The following PTK2 variants were observed in gnomAD, a reference collection of about 807,000 sequenced individuals.
PTK2 encodes the protein focal adhesion kinase 1.
A neutral mutation model predicts 150.1 loss-of-function variants in PTK2; 45 were observed. That is an observed-to-expected ratio of 0.30 (90% CI 0.24 to 0.38). PTK2 has a LOEUF of 0.38. PTK2 is among the 10% of genes least tolerant of loss of function. The pLI, the probability that PTK2 is intolerant of heterozygous loss-of-function variation, is 1.00. For synonymous variants in PTK2, 432 were observed against 449.2 expected, an observed-to-expected ratio of 0.96 and a Z score of 0.48; for missense variants, 919 against 1,307.3, an observed-to-expected ratio of 0.70 and a Z score of 4.58.
Position 140,669,340 on chromosome 8 carries a change from T to TATATATATATATAC in PTK2, c.2710-917_2710-916insGTATATATATATAT, listed in dbSNP as rs1377363515. On this transcript the variant is annotated intron_variant, in intron 29 of 31. Transcript: ENST00000522684. ...ATATATATATATATATATATATATA[T>TATATATATATATAC]ACACTTTTTAAAAAAGACCAACTTG... 1.5e-3 allele frequency: 201 copies of TATATATATATATAC among 132,848 alleles called. 7 individuals carry two copies. The highest frequency in any genetic ancestry group is 5.7e-3 in the African/African-American group (190 of 33,310). 8.2% of individuals were successfully genotyped at this position (132,848 alleles called of 1,614,324 possible). A position where few individuals can be genotyped will look rare whatever the true frequency, so the allele number is the denominator to read the frequency against.
chr8:140,984,470 CCAGA>C (rs2100192588), intron 1 of PTK2, among the ~76,000 whole-genome samples: 1 of 152,146 alleles, frequency 6.6e-6, no homozygotes. Flanking sequence ...TGAGCCCTTC[CCAGA>C]CAGACTGAAT....
intron 1 of PTK2, among the ~76,000 whole-genome samples, chr8:140,933,180 CAA>C (rs2100172494): frequency 1.2e-5 from 1 of 82,574 alleles, no homozygotes; most frequent in Non-Finnish European, 2.4e-5. Context: ...GGATCTCTAA[CAA>C]CAGTAATGAA....
At chr8:140,991,539 G>C (rs2100195695) in intron 1 of PTK2, among the ~76,000 whole-genome samples, 1 of 152,152 alleles carries the variant, frequency 6.6e-6, no homozygotes, top group Non-Finnish European at 1.5e-5. Flanking sequence ...AACATATTTA[G>C]ATTCCTGAAG....
rs181683923 is a variant in PTK2, at chr8:140,998,615, G to A, written c.-122+2510C>T. 4.9e-3 allele frequency among the ~76,000 whole-genome samples: 747 copies of A among 151,910 alleles called. 9 individuals are homozygous for A. The highest frequency in any genetic ancestry group is 0.016 in the African/African-American group (676 of 41,416). On this transcript the variant is annotated intron_variant, in intron 1 of 31. Coordinates refer to ENST00000522684, the Ensembl canonical transcript of PTK2. ...GGGCGGATCATGAGGTCAGGAGATC[G>A]AGACCACCCTGGCTAACACGGCGAA...
intron 1 of PTK2, among the ~76,000 whole-genome samples, chr8:140,966,904 A>G (rs2100185516): frequency 6.6e-6 from 1 of 152,192 alleles, no homozygotes; most frequent in Non-Finnish European, 1.5e-5. Flanking sequence ...ATCACGTAGA[A>G]TATTTCCTTT....
At chr8:140,908,254 CA>C (rs1408705406) in intron 2 of PTK2, among the ~76,000 whole-genome samples, 1 of 152,150 alleles carries the variant, frequency 6.6e-6, no homozygotes, top group Admixed American at 6.5e-5. Flanking sequence ...AGCTCATCTT[CA>C]GTTCTATAAA....
intron 19 of PTK2, among the ~76,000 whole-genome samples, 156 bp from the exon 23 acceptor site, chr8:140,743,486 C>A (rs1008347155): frequency 4.6e-5 from 7 of 151,884 alleles, no homozygotes; most frequent in African/African-American, 7.3e-5. Flanking sequence ...TATAATAAAT[C>A]TCATATATAC....
intron 1 of PTK2, among the ~76,000 whole-genome samples, chr8:140,927,955 AAAGAAAAAAAAAAAAAAAAAAT>A (rs1452414950): frequency 3.1e-4 from 26 of 84,148 alleles, no homozygotes; most frequent in East Asian, 1.8e-3. Context: ...AAAAAAAAAA[AAAGAAAAAAAAAAAAAAAAAAT>A]ATATATATAT....
At chr8:140,880,895 T>C (rs2154607098) in intron 3 of PTK2, among the ~76,000 whole-genome samples, 1 of 152,124 alleles carries the variant, frequency 6.6e-6, no homozygotes, top group Admixed American at 6.5e-5. Context: ...GGGCACTGAG[T>C]GAATGAAGTG....
intron 10 of PTK2, among the ~76,000 whole-genome samples, 196 bp downstream of exon 10, chr8:140,818,081 C>T (rs2100105819): frequency 6.6e-6 from 1 of 152,128 alleles, no homozygotes; most frequent in African/African-American, 2.4e-5. Flanking sequence ...CCTTTCCTTC[C>T]AAAACTAAGT....
At chr8:140,985,439 A>T (rs1180777847) in intron 1 of PTK2, among the ~76,000 whole-genome samples, 1 of 152,156 alleles carries the variant, frequency 6.6e-6, no homozygotes, top group African/African-American at 2.4e-5. Flanking sequence ...TGACATTTTT[A>T]AAAATCTATG....
At chr8:140,669,966 T>G in intron 29 of PTK2, 1 of 547,154 alleles carries the variant, frequency 1.8e-6, no homozygotes, top group South Asian at 2.6e-5. Flanking sequence ...AGGTCTGCCA[T>G]GCACCATGCT....
At chr8:140,997,161 A>G (rs991944037) in intron 1 of PTK2, among the ~76,000 whole-genome samples, 1 of 152,216 alleles carries the variant, frequency 6.6e-6, no homozygotes, top group African/African-American at 2.4e-5. Flanking sequence ...AGAGAACTAG[A>G]ATTAGAAGTG....
intron 25 of PTK2, among the ~76,000 whole-genome samples, chr8:140,701,664 T>A (rs2100030524): frequency 6.6e-6 from 1 of 152,220 alleles, no homozygotes; most frequent in Non-Finnish European, 1.5e-5. Context: ...TGTCTTCCTG[T>A]TTCTTCGTTG....
In PTK2 at chr8:140,911,867, A is replaced by G. The variant is rs552671389; in HGVS notation, c.-33+13794T>C. On this transcript the variant is annotated intron_variant, in intron 2 of 31. Coordinates refer to ENST00000522684, the Ensembl canonical transcript of PTK2. ...TGATAAAACGATTACAAGGAAAAAA[A>G]TTACAAACAGATATCCCTCATAAAC... Among the ~76,000 whole-genome samples the G allele has an allele frequency of 5.3e-5, 8 of 152,360 alleles. No homozygotes were observed. The South Asian group carries it at 1.7e-3, about 32-fold the overall frequency.
At chr8:140,780,905 T>C (rs1018984690) in intron 14 of PTK2, among the ~76,000 whole-genome samples, 13 of 152,208 alleles carry the variant, frequency 8.5e-5, no homozygotes, top group African/African-American at 2.2e-4. Flanking sequence ...GTGATGATGA[T>C]ACGAAAAATC....
At chr8:140,870,338 T>C (rs2100141780) in intron 4 of PTK2, among the ~76,000 whole-genome samples, 1 of 152,082 alleles carries the variant, frequency 6.6e-6, no homozygotes, top group Admixed American at 6.6e-5. Flanking sequence ...TAAAACACTA[T>C]CTAACAAAGT....
intron 10 of PTK2, among the ~76,000 whole-genome samples, chr8:140,811,233 G>C (rs1596568950): frequency 6.6e-6 from 1 of 152,218 alleles, no homozygotes; most frequent in Non-Finnish European, 1.5e-5. Flanking sequence ...CCAGGAGCCA[G>C]AGAACAAAGT....
intron 23 of PTK2, among the ~76,000 whole-genome samples, chr8:140,708,624 T>TA (rs1230737946): frequency 6.6e-6 from 1 of 152,056 alleles, no homozygotes; most frequent in African/African-American, 2.4e-5. Context: ...TAAACTTAAC[T>TA]AAATAACAAC....
Sources: allele counts gnomAD v4.1 joint callset (sites outside exome capture counted in the v4.1 genomes callset), GRCh38; gene constraint gnomAD v4.1.1; transcripts MANE v1.5; gene names NCBI Gene and HGNC (gene_info 2026-07-23, HGNC 2026-07-21).